GPAT3: variants seen among roughly 807,000 people sequenced by gnomAD.
GPAT3 encodes the protein 1-AGP acyltransferase 9.
Under a neutral mutation model 58.8 loss-of-function variants are expected in GPAT3, and 53 were observed. That is an observed-to-expected ratio of 0.90 (90% CI 0.72 to 1.13). GPAT3 has a LOEUF of 1.13. Ranked by LOEUF, GPAT3 falls within the 50% of genes most tolerant of loss-of-function variation. The probability of loss-of-function intolerance (pLI) is 0.00; values close to 1 mark genes in which losing one functional copy is unlikely to be tolerated. For missense variants in GPAT3, 511 were observed against 527.6 expected (o/e 0.97, Z 0.31); for synonymous variants, 197 against 187.4 (o/e 1.05, Z -0.42).
rs1271367111 is a variant in GPAT3, at chr4:83,579,273, C to T, written c.209-2289C>T. Among the ~76,000 whole-genome samples the T allele has an allele frequency of 2.7e-5, 3 of 109,446 alleles. No homozygotes were observed. In the East Asian group the frequency reaches 7.6e-4, roughly 28 times the overall value. 71.8% of individuals were successfully genotyped at this position (109,446 alleles called of 152,430 possible). A position where few individuals can be genotyped will look rare whatever the true frequency, so the allele number is the denominator to read the frequency against. ...TTTCCCTTCCCTTCCCGCCCCTCCCCTCTGTTCCCCTCCCCTCCCCTCCCC... is the reference window on the plus strand; with the variant it reads ...TTTCCCTTCCCTTCCCGCCCCTCCCTTCTGTTCCCCTCCCCTCCCCTCCCC... On this transcript the variant is annotated intron_variant, in intron 2 of 11. Coordinates refer to ENST00000264409, the MANE Select transcript of GPAT3 (RefSeq NM_032717.5).
rs1725089386 is a variant in GPAT3 at position 83,560,428 on chromosome 4, T to G, written c.208+15826T>G. 2.0e-5 allele frequency among the ~76,000 whole-genome samples: 3 copies of G among 151,882 alleles called. No homozygotes were observed. In the South Asian group the frequency reaches 6.2e-4, roughly 31 times the overall value. On this transcript the variant is annotated intron_variant, in intron 2 of 11. Coordinates refer to ENST00000264409, the MANE Select transcript of GPAT3 (RefSeq NM_032717.5). ...TTTATTTTTGTTTGAATTTTTTTTT[T>G]GTATTTTTTTGTATTTAAGTGACAT...
At chr4:83,578,007 G>T (rs553234628) in intron 2 of GPAT3, among the ~76,000 whole-genome samples, 21 of 151,994 alleles carry the variant, frequency 1.4e-4, no homozygotes, top group Non-Finnish European at 2.8e-4. Flanking sequence ...CACCATGTTG[G>T]CCAGGCTGGT....
chr4:83,598,500 T>C, intron 10 of GPAT3, 144 bp from the exon 11 acceptor site: 1 of 812,974 alleles, frequency 1.2e-6, no homozygotes. Flanking sequence ...GAACAAATGA[T>C]ATTTGCTATG....
In GPAT3 at chr4:83,598,641, C is replaced by A. The variant is rs1212282933; in HGVS notation, c.1126-3C>A. ...CTTGCAATTTTTTTTTTTTTTAAAC[C>A]AGGAAGGAGAAGATGCAGTCCAGTT... On this transcript the variant is annotated splice_region_variant and splice_polypyrimidine_tract_variant and intron_variant, in intron 10 of 11. Transcript: ENST00000264409. 1 of 1,598,476 alleles carries A rather than the reference C, an allele frequency of 6.3e-7. No homozygotes were observed.
chr4:83,598,640 C>T lies in GPAT3; in HGVS notation c.1126-4C>T, dbSNP rs1364009136. 2.5e-6 allele frequency: 4 copies of T among 1,592,810 alleles called. No individual in the cohort carries two copies. The highest frequency in any genetic ancestry group is 3.5e-5 in the Admixed American group (2 of 56,720). On this transcript the variant is annotated splice_region_variant and splice_polypyrimidine_tract_variant and intron_variant, in intron 10 of 11. Transcript: ENST00000264409. ...TCTTGCAATTTTTTTTTTTTTTAAACCAGGAAGGAGAAGATGCAGTCCAGT... is the reference window on the plus strand; with the variant it reads ...TCTTGCAATTTTTTTTTTTTTTAAATCAGGAAGGAGAAGATGCAGTCCAGT...
chr4:83,585,594 T>C lies in GPAT3; in HGVS notation c.480-1661T>C, dbSNP rs141182398. Among the ~76,000 whole-genome samples the C allele has an allele frequency of 5.3e-3, 805 of 151,548 alleles. 7 individuals carry two copies. Among genetic ancestry groups the C allele is most frequent in the African/African-American group, 0.018 (735 of 41,470 alleles). On this transcript the variant is annotated intron_variant, in intron 3 of 11. Transcript: ENST00000264409. ...GAGTGTTTCTCCAAATGGGTTAAGA[T>C]TGCTGCCTTTTACGCTGTTTCTTTT...
intron 2 of GPAT3, among the ~76,000 whole-genome samples, chr4:83,580,386 T>C (rs1451378959): frequency 6.6e-6 from 1 of 152,218 alleles, no homozygotes; most frequent in East Asian, 1.9e-4. Flanking sequence ...TAGTATTTGT[T>C]AATGGGTGCA....
rs763892708 is a variant in GPAT3, at chr4:83,604,757, CT to C, written c.1296del (p.Leu433SerfsTer10). On this transcript the variant is annotated frameshift_variant, in exon 12 of 12. Transcript: ENST00000264409. LOFTEE classifies it high-confidence loss of function. ...NYSKMIVGNG[S>X]LS The stretch of plus-strand genomic sequence containing the variant: ...AGCAAGATGATTGTGGGCAATGGAT[CT>C]CTCAGCTAAGAGGACGGATGACAGC... 1.9e-6 allele frequency: 3 copies of C among 1,613,566 alleles called. No individual in the cohort carries two copies. In the South Asian group the frequency reaches 3.3e-5, roughly 18 times the overall value.
chr4:83,602,770 T>C (rs1019157820), intron 11 of GPAT3, among the ~76,000 whole-genome samples: 2 of 152,232 alleles, frequency 1.3e-5, no homozygotes, highest in East Asian at 1.9e-4. Context: ...GCCTTTCTTA[T>C]TTCTTTAGTT....
intron 3 of GPAT3, among the ~76,000 whole-genome samples, chr4:83,582,716 C>A (rs1726192980): frequency 1.3e-5 from 2 of 152,090 alleles, no homozygotes; most frequent in African/African-American, 4.8e-5. Flanking sequence ...AGATTTATTA[C>A]CAGGGAAAGT....
At chr4:83,568,940 A>G (rs1014962717) in intron 2 of GPAT3, among the ~76,000 whole-genome samples, 12 of 152,252 alleles carry the variant, frequency 7.9e-5, no homozygotes, top group African/African-American at 1.9e-4. Flanking sequence ...TAATGTAACC[A>G]TTAAATAGAT....
At chr4:83,587,178 T>G (rs1726406396) in intron 3 of GPAT3, 77 bp from the exon 4 acceptor site, 5 of 1,159,570 alleles carry the variant, frequency 4.3e-6, no homozygotes, top group Non-Finnish European at 6.3e-6. Context: ...TATTTACAAT[T>G]TTATTATTTA....
chr4:83,603,097 C>G (rs979647324), intron 11 of GPAT3, among the ~76,000 whole-genome samples: 1 of 152,226 alleles, frequency 6.6e-6, no homozygotes, highest in Non-Finnish European at 1.5e-5. Context: ...CATTCACCAT[C>G]ATCAGAAAGC....
rs1017588390 is a variant in GPAT3 at position 83,599,365 on chromosome 4, C to T, written c.1205+642C>T. On this transcript the variant is annotated intron_variant, in intron 11 of 11. Transcript: ENST00000264409. Reference sequence around the variant, plus strand: ...TATGAGGAAGGAATTTTAAAAAGGACACACCCATCTCTAAGAGCACAAGCT... The same window carrying T: ...TATGAGGAAGGAATTTTAAAAAGGATACACCCATCTCTAAGAGCACAAGCT... 7.9e-5 allele frequency among the ~76,000 whole-genome samples: 12 copies of T among 152,134 alleles called. No individual in the cohort carries two copies. The East Asian group carries it at 2.1e-3, about 27-fold the overall frequency.
rs751511708 is a variant in GPAT3, at chr4:83,587,342, C to T, written c.554+13C>T. 1 of 1,608,950 alleles carries T rather than the reference C, an allele frequency of 6.2e-7. No individual in the cohort carries two copies. Among genetic ancestry groups the T allele is most frequent in the Non-Finnish European group, 8.5e-7 (1 of 1,175,956 alleles). On this transcript the variant is annotated intron_variant, in intron 4 of 11. Coordinates refer to ENST00000264409, the MANE Select transcript of GPAT3 (RefSeq NM_032717.5). Reference sequence around the variant, plus strand: ...TGCCAGACAGCAGGTGAAATGTTTCCTTCCATCCAGCCATATATAGGACTG... The same window carrying T: ...TGCCAGACAGCAGGTGAAATGTTTCTTTCCATCCAGCCATATATAGGACTG...
intron 10 of GPAT3, 88 bp from the exon 11 acceptor site, chr4:83,598,555 TA>T (rs1484888014): frequency 1.8e-6 from 2 of 1,107,254 alleles, no homozygotes; most frequent in African/African-American, 1.6e-5. Context: ...ATGAATCTTA[TA>T]TTTTAAAACA....
chr4:83,598,412 G>T (rs1382781292), intron 10 of GPAT3: 2 of 697,890 alleles, frequency 2.9e-6, no homozygotes, highest in Admixed American at 6.5e-5. Flanking sequence ...TATTATCTTG[G>T]GTAAGACTAA....
Position 83,581,739 on chromosome 4 carries a change from G to T in GPAT3, c.386G>T (p.Arg129Ile). Reference protein sequence around the residue: ...EELVSWNLLTRTNVNFQYISL... With the variant: ...EELVSWNLLTITNVNFQYISL... ...CTAGTGTCATGGAATCTCCTCACAA[G>T]AACCAATGTAAATTTCCAGTACATC... Residue 129 changes from arginine (R) to isoleucine (I), a missense_variant, in exon 3 of 12, where the codon AGA (arginine) becomes ATA (isoleucine). Coordinates refer to ENST00000264409, the MANE Select transcript of GPAT3 (RefSeq NM_032717.5). The T allele has an allele frequency of 6.2e-7, 1 of 1,614,096 alleles. No homozygotes were observed. The highest frequency in any genetic ancestry group is 1.1e-5 in the South Asian group (1 of 91,074).
At chr4:83,595,294 T>G (rs1560631258) in intron 7 of GPAT3, 1 of 164,048 alleles carries the variant, frequency 6.1e-6, no homozygotes, top group Non-Finnish European at 1.3e-5. Context: ...AAAAAATAAA[T>G]TAGATATGTA....
Sources: gnomAD v4.1 joint callset for allele counts (sites outside exome capture counted in the v4.1 genomes callset) on GRCh38, gnomAD v4.1.1 for gene constraint, MANE v1.5 for transcripts, NCBI Gene and HGNC (gene_info 2026-07-23, HGNC 2026-07-21) for gene names.